The following UMAD1 variants were observed in gnomAD, a reference collection of about 807,000 sequenced individuals.
UMAD1 encodes the protein UBAP1-MVB12-associated (UMA)-domain containing protein 1.
Under a neutral mutation model 6.1 loss-of-function variants are expected in UMAD1, and 8 were observed. The observed-to-expected ratio is 1.30, with a 90% CI of 0.76 to 2.35. The LOEUF (loss-of-function observed/expected upper bound fraction) is 2.35, where lower values mean the gene tolerates loss of function less well. UMAD1 is among the 30% of genes most tolerant of loss of function. The probability of loss-of-function intolerance (pLI) is 0.00; values close to 1 mark genes in which losing one functional copy is unlikely to be tolerated. For missense variants in UMAD1, 130 were observed against 78.4 expected, an observed-to-expected ratio of 1.66 and a Z score of -2.49; for synonymous variants, 56 against 31.4, an observed-to-expected ratio of 1.78 and a Z score of -2.61.
intron 2 of UMAD1, among the ~76,000 whole-genome samples, chr7:7,784,784 C>T (rs1583823112): frequency 2.0e-5 from 2 of 97,986 alleles, no homozygotes; most frequent in Admixed American, 1.5e-4. Flanking sequence ...TTTTTTGAGA[C>T]GGAGTCTTGC....
Position 7,640,813 on chromosome 7 carries a change from C to T in UMAD1, c.-72C>T, listed in dbSNP as rs371857447. The T allele has an allele frequency of 8.6e-4, 178 of 206,864 alleles. 3 individuals are homozygous for T. In the South Asian group the frequency reaches 0.01, roughly 12 times the overall value. The allele number at this position is 206,864 out of a possible 1,614,324, so 12.8% of individuals were successfully genotyped here. A position where few individuals can be genotyped will look rare whatever the true frequency, so the allele number is the denominator to read the frequency against. ...CTGGTGCGGCGGGGGACTGCGGGGC[C>T]AGCCTCAGGTACCTCGTCTCGCGGG... On this transcript the variant is annotated 5_prime_UTR_variant, in exon 1 of 4. Transcript: ENST00000682710.
chr7:7,849,563 C>G (rs1417954971), intron 3 of UMAD1, among the ~76,000 whole-genome samples: 1 of 152,056 alleles, frequency 6.6e-6, no homozygotes, highest in South Asian at 2.1e-4. Flanking sequence ...ATGACCCAAC[C>G]CTGCGATGGT....
At chr7:7,764,631 A>G (rs1781951691) in intron 2 of UMAD1, among the ~76,000 whole-genome samples, 1 of 152,268 alleles carries the variant, frequency 6.6e-6, no homozygotes, top group Non-Finnish European at 1.5e-5. Flanking sequence ...GAGGAACTCC[A>G]TTAGGTAACA....
intron 2 of UMAD1, among the ~76,000 whole-genome samples, chr7:7,798,729 A>G (rs1057261012): frequency 6.6e-6 from 1 of 152,096 alleles, no homozygotes; most frequent in Non-Finnish European, 1.5e-5. Flanking sequence ...TCACCAGACC[A>G]CAGAGTCCCC....
intron 2 of UMAD1, among the ~76,000 whole-genome samples, chr7:7,696,728 T>G (rs981380283): frequency 2.0e-5 from 3 of 152,154 alleles, no homozygotes; most frequent in African/African-American, 7.2e-5. Context: ...CAAAGTCAGC[T>G]CTCAATAGTG....
chr7:7,668,852 T>G (rs1251108266), intron 1 of UMAD1, among the ~76,000 whole-genome samples: 1 of 152,186 alleles, frequency 6.6e-6, no homozygotes, highest in African/African-American at 2.4e-5. Context: ...GCTTAAGCCC[T>G]CAAGGCCTCA....
intron 2 of UMAD1, among the ~76,000 whole-genome samples, chr7:7,684,945 T>C (rs1441152483): frequency 3.3e-5 from 5 of 152,224 alleles, no homozygotes; most frequent in Admixed American, 1.3e-4. Flanking sequence ...TACCATGTTA[T>C]GTACATGGAA....
chr7:7,858,767 G>C (rs563004708), intron 3 of UMAD1, among the ~76,000 whole-genome samples: 152 of 152,292 alleles, frequency 1.0e-3, no homozygotes, highest in Admixed American at 2.4e-3. Context: ...TTCCATTTCT[G>C]ACAGTTAGCA....
chr7:7,673,253 G>A (rs911120017), intron 1 of UMAD1, 56 bp from the exon 2 acceptor site: 17 of 1,012,274 alleles, frequency 1.7e-5, no homozygotes, highest in African/African-American at 3.1e-5. Context: ...TGCTAAAAAG[G>A]GTAAGAGTTT....
chr7:7,794,542 AC>A (rs1055213940), intron 2 of UMAD1, among the ~76,000 whole-genome samples: 1 of 152,042 alleles, frequency 6.6e-6, no homozygotes, highest in Non-Finnish European at 1.5e-5. Context: ...ATCTTGGTAT[AC>A]CCCCTCCCTT....
intron 3 of UMAD1, among the ~76,000 whole-genome samples, chr7:7,823,203 A>G (rs1371298834): frequency 6.6e-6 from 1 of 152,090 alleles, no homozygotes; most frequent in Admixed American, 6.6e-5. Flanking sequence ...AACACTCCTT[A>G]TTACATAAAG....
In UMAD1 at chr7:7,784,714, A is replaced by G. The variant is rs189530200; in HGVS notation, c.83-16956A>G. 9.5e-4 allele frequency among the ~76,000 whole-genome samples: 141 copies of G among 148,154 alleles called. 2 individuals carry two copies. Among genetic ancestry groups the G allele is most frequent in the African/African-American group, 3.4e-3 (139 of 40,366 alleles). On this transcript the variant is annotated intron_variant, in intron 2 of 3. Coordinates refer to ENST00000682710, the MANE Select transcript of UMAD1 (RefSeq NM_001302348.2). Reference sequence around the variant, plus strand: ...AAGACCAACCCAGTTACATATTACCATATCATCTGAATATGTTTTACATTA... The same window carrying G: ...AAGACCAACCCAGTTACATATTACCGTATCATCTGAATATGTTTTACATTA...
In UMAD1 at chr7:7,796,495, C is replaced by T. The variant is rs112512904; in HGVS notation, c.83-5175C>T. ...CGAACTCCCAACCTCAGGTGATCCGCCTGCCTCGGCCTCCCAAAGTGTTGG... is the reference window on the plus strand; with the variant it reads ...CGAACTCCCAACCTCAGGTGATCCGTCTGCCTCGGCCTCCCAAAGTGTTGG... On this transcript the variant is annotated intron_variant, in intron 2 of 3. Transcript: ENST00000682710. 3.6e-3 allele frequency among the ~76,000 whole-genome samples: 554 copies of T among 152,166 alleles called. 4 individuals are homozygous for T. The highest frequency in any genetic ancestry group is 0.012 in the African/African-American group (507 of 41,500).
At chr7:7,765,912 A>G (rs1781974798) in intron 2 of UMAD1, among the ~76,000 whole-genome samples, 2 of 152,142 alleles carry the variant, frequency 1.3e-5, no homozygotes, top group South Asian at 4.1e-4. Context: ...TTTTTTTTGA[A>G]TACTTATTAA....
At chr7:7,851,535 TC>T (rs1292873047) in intron 3 of UMAD1, among the ~76,000 whole-genome samples, 2 of 152,288 alleles carry the variant, frequency 1.3e-5, no homozygotes, top group Non-Finnish European at 2.9e-5. Flanking sequence ...GTGGGAGTGT[TC>T]CAGTTTCTCC....
chr7:7,659,808 T>G (rs1313459762), intron 1 of UMAD1, among the ~76,000 whole-genome samples: 1 of 152,172 alleles, frequency 6.6e-6, no homozygotes, highest in Non-Finnish European at 1.5e-5. Flanking sequence ...CTGTAGATGT[T>G]TATTAGGTCT....
chr7:7,806,521 A>T (rs144124000), intron 3 of UMAD1, among the ~76,000 whole-genome samples: 1 of 152,202 alleles, frequency 6.6e-6, no homozygotes, highest in African/African-American at 2.4e-5. Flanking sequence ...TGCCCTGTCA[A>T]TGATTTCTGG....
At chr7:7,643,045 G>C (rs1382112261) in intron 1 of UMAD1, among the ~76,000 whole-genome samples, 1 of 152,028 alleles carries the variant, frequency 6.6e-6, no homozygotes, top group African/African-American at 2.4e-5. Context: ...GGCATGAGTG[G>C]GACAGTAGTG....
intron 2 of UMAD1, among the ~76,000 whole-genome samples, chr7:7,781,731 T>C (rs933075709): frequency 6.6e-6 from 1 of 152,132 alleles, no homozygotes; most frequent in South Asian, 2.1e-4. Context: ...AATTTTGTAT[T>C]CATCCTTTTT....
Sources: gnomAD v4.1 joint callset for allele counts (sites outside exome capture counted in the v4.1 genomes callset) on GRCh38, gnomAD v4.1.1 for gene constraint, MANE v1.5 for transcripts, NCBI Gene and HGNC (gene_info 2026-07-23, HGNC 2026-07-21) for gene names.